The following CCDC91 variants were observed in gnomAD, a reference collection of about 807,000 sequenced individuals.
CCDC91 encodes the protein coiled-coil domain containing 91.
A neutral mutation model predicts 63.2 loss-of-function variants in CCDC91; 48 were observed. The ratio of observed to expected loss-of-function variants is 0.76; its 90% CI spans 0.60 to 0.97. The LOEUF is 0.97. CCDC91 is among the 50% of genes least tolerant of loss of function. CCDC91 has a pLI of 0.00. For missense variants in CCDC91, 500 were observed against 494.6 expected (o/e 1.01, Z -0.10); for synonymous variants, 167 against 165.8 (o/e 1.01, Z -0.06).
intron 3 of CCDC91, among the ~76,000 whole-genome samples, chr12:28,283,747 T>C (rs563414517): frequency 6.6e-6 from 1 of 152,338 alleles, no homozygotes; most frequent in South Asian, 2.1e-4. Context: ...AATGTAATTT[T>C]ATACAATATT....
intron 8 of CCDC91, among the ~76,000 whole-genome samples, chr12:28,395,921 CTTTA>C (rs1178430646): frequency 6.6e-6 from 1 of 152,188 alleles, no homozygotes; most frequent in African/African-American, 2.4e-5. Context: ...CCTCTCTCCT[CTTTA>C]TTTAATGAGG....
chr12:28,245,743 G>T (rs1945691980), intron 1 of CCDC91, among the ~76,000 whole-genome samples: 1 of 152,066 alleles, frequency 6.6e-6, no homozygotes, highest in Admixed American at 6.6e-5. Flanking sequence ...TAATGATCAG[G>T]GAAGTCAAAT....
chr12:28,547,951 A>T (rs772253145), intron 12 of CCDC91, among the ~76,000 whole-genome samples: 1 of 152,112 alleles, frequency 6.6e-6, no homozygotes, highest in African/African-American at 2.4e-5. Flanking sequence ...GTATATTATG[A>T]AATGGAATTT....
chr12:28,407,939 C>T (rs1234097048), intron 8 of CCDC91, among the ~76,000 whole-genome samples: 3 of 90,276 alleles, frequency 3.3e-5, no homozygotes, highest in Admixed American at 2.9e-4. Context: ...TAACCATATA[C>T]ATAGATATAT....
chr12:28,431,829 A>G (rs1326007365), intron 8 of CCDC91, among the ~76,000 whole-genome samples: 2 of 152,078 alleles, frequency 1.3e-5, no homozygotes, highest in African/African-American at 2.4e-5. Flanking sequence ...CATATATCCA[A>G]TAATGTAATA....
chr12:28,481,593 C>T (rs1238082551), intron 11 of CCDC91, among the ~76,000 whole-genome samples: 1 of 151,978 alleles, frequency 6.6e-6, no homozygotes, highest in Non-Finnish European at 1.5e-5. Flanking sequence ...CACTTGCATA[C>T]ATGCAAACAA....
At chr12:28,320,224 C>T (rs1940344759) in intron 6 of CCDC91, among the ~76,000 whole-genome samples, 1 of 151,840 alleles carries the variant, frequency 6.6e-6, no homozygotes. Flanking sequence ...ACGGTTACTC[C>T]ATATGCTATT....
chr12:28,471,889 T>G (rs1157335193), intron 11 of CCDC91, among the ~76,000 whole-genome samples: 1 of 152,130 alleles, frequency 6.6e-6, no homozygotes, highest in Non-Finnish European at 1.5e-5. Flanking sequence ...TAGCTGGGAT[T>G]ACAGGCGTCT....
At chr12:28,540,422 G>A (rs1942543632) in intron 12 of CCDC91, among the ~76,000 whole-genome samples, 1 of 152,054 alleles carries the variant, frequency 6.6e-6, no homozygotes, top group Non-Finnish European at 1.5e-5. Flanking sequence ...CACCTTGACA[G>A]GTTTTTGCAT....
chr12:28,477,855 C>T (rs1174507318), intron 11 of CCDC91, among the ~76,000 whole-genome samples: 1 of 152,122 alleles, frequency 6.6e-6, no homozygotes, highest in Non-Finnish European at 1.5e-5. Flanking sequence ...AGTGAACTCC[C>T]ATTCACAATT....
intron 6 of CCDC91, among the ~76,000 whole-genome samples, chr12:28,337,322 A>T (rs1355043557): frequency 1.3e-5 from 2 of 152,128 alleles, no homozygotes; most frequent in African/African-American, 4.8e-5. Flanking sequence ...TACTGCTCCT[A>T]TAGCATTATC....
At chr12:28,473,714 A>C (rs1950937876) in intron 11 of CCDC91, among the ~76,000 whole-genome samples, 1 of 152,160 alleles carries the variant, frequency 6.6e-6, no homozygotes, top group Non-Finnish European at 1.5e-5. Context: ...TGAAGAGCCA[A>C]GAAAACTACT....
intron 11 of CCDC91, among the ~76,000 whole-genome samples, chr12:28,482,363 C>T (rs1951493667): frequency 6.6e-6 from 1 of 151,732 alleles, no homozygotes; most frequent in African/African-American, 2.4e-5. Context: ...ACTTTGTACT[C>T]TATCAATGGA....
At chr12:28,541,704 GA>G (rs887513439) in intron 12 of CCDC91, among the ~76,000 whole-genome samples, 2 of 151,288 alleles carry the variant, frequency 1.3e-5, no homozygotes, top group Non-Finnish European at 1.5e-5. Context: ...TCATGATCTT[GA>G]AAAAAAAGAT....
intron 2 of CCDC91, among the ~76,000 whole-genome samples, chr12:28,258,604 T>C (rs1196296564): frequency 1.3e-5 from 2 of 152,184 alleles, no homozygotes; most frequent in African/African-American, 4.8e-5. Context: ...ATATAAAATA[T>C]GTTCATTTTT....
intron 1 of CCDC91, among the ~76,000 whole-genome samples, chr12:28,231,043 G>A (rs1944557218): frequency 6.6e-6 from 1 of 152,170 alleles, no homozygotes. Flanking sequence ...TAATTTAGAT[G>A]TGAAATGTTT....
chr12:28,252,180 T>C (rs1274720060), intron 1 of CCDC91, among the ~76,000 whole-genome samples: 3 of 152,162 alleles, frequency 2.0e-5, no homozygotes, highest in African/African-American at 7.2e-5. Context: ...GTCCTTTGAA[T>C]GAAGCCTATT....
rs1438921507 is a variant in CCDC91 at position 28,428,573 on chromosome 12, C to CAAAAA, written c.763-21588_763-21587insAAAAA. On this transcript the variant is annotated intron_variant, in intron 8 of 12. Transcript: ENST00000536442. The stretch of plus-strand genomic sequence containing the variant: ...AACAAGAGTGAAACTCCGTCTCTCC[C>CAAAAA]CAAAAAAAAAAAAAAAAAAAAAAAA... 8.7e-3 allele frequency among the ~76,000 whole-genome samples: 569 copies of CAAAAA among 65,194 alleles called. 37 individuals carry two copies. Among genetic ancestry groups the CAAAAA allele is most frequent in the African/African-American group, 0.041 (480 of 11,794 alleles). 42.8% of individuals were successfully genotyped at this position (65,194 alleles called of 152,430 possible).
intron 11 of CCDC91, among the ~76,000 whole-genome samples, chr12:28,461,158 CA>C (rs1950291270): frequency 6.6e-6 from 1 of 151,826 alleles, no homozygotes; most frequent in African/African-American, 2.4e-5. Flanking sequence ...CTTAAGAGAC[CA>C]ATGTTGCATA....
Sources: gnomAD v4.1 joint callset for allele counts (sites outside exome capture counted in the v4.1 genomes callset) on GRCh38, gnomAD v4.1.1 for gene constraint, MANE v1.5 for transcripts, NCBI Gene and HGNC (gene_info 2026-07-23, HGNC 2026-07-21) for gene names.